ARHGAP23: variants seen among roughly 807,000 people sequenced by gnomAD.
ARHGAP23 encodes Rho GTPase activating protein 23, also known as rho GTPase-activating protein 23.
ARHGAP23 carries 34 observed loss-of-function variants against 136.3 expected under a neutral mutation model. The observed-to-expected ratio is 0.25, with a 90% CI of 0.19 to 0.33. The LOEUF is 0.33. Among genes scored for constraint, ARHGAP23 ranks in the 10% least tolerant of loss-of-function variants. ARHGAP23 has a pLI of 1.00. For missense variants in ARHGAP23, 1,808 were observed against 2,139.0 expected (o/e 0.85, Z 3.05); for synonymous variants, 832 against 920.5 (o/e 0.90, Z 1.74).
chr17:38,461,316 AG>A (rs1420038652), intron 3 of ARHGAP23, among the ~76,000 whole-genome samples: 1 of 152,158 alleles, frequency 6.6e-6, no homozygotes, highest in Non-Finnish European at 1.5e-5. Context: ...GGGAGCGCTG[AG>A]CAAAGGCTGT....
chr17:38,507,276 A>AAATAATAATAATAATAT, intron 23 of ARHGAP23, among the ~76,000 whole-genome samples: 1 of 136,674 alleles, frequency 7.3e-6, no homozygotes, highest in East Asian at 2.1e-4. Flanking sequence ...CTCCGTCTCA[A>AAATAATAATAATAATAT]AATAATAATA....
At chr17:38,482,753 T>C in intron 16 of ARHGAP23, 75 bp downstream of exon 16, 1 of 1,423,800 alleles carries the variant, frequency 7.0e-7, no homozygotes. Flanking sequence ...GAGAGTTCTG[T>C]GGTCTATTGT....
intron 20 of ARHGAP23, among the ~76,000 whole-genome samples, chr17:38,493,261 G>A (rs1305949218): frequency 6.6e-6 from 1 of 150,972 alleles, no homozygotes; most frequent in Non-Finnish European, 1.5e-5. Context: ...GGAGTGCAGT[G>A]GGCAGATACG....
intron 20 of ARHGAP23, among the ~76,000 whole-genome samples, chr17:38,494,375 C>T (rs1055751427): frequency 6.6e-6 from 1 of 152,202 alleles, no homozygotes; most frequent in East Asian, 1.9e-4. Context: ...CATTATTCCA[C>T]GCCAGAGACA....
At chr17:38,421,218 C>T (rs2144454953) in intron 1 of ARHGAP23, among the ~76,000 whole-genome samples, 1 of 152,276 alleles carries the variant, frequency 6.6e-6, no homozygotes, top group Non-Finnish European at 1.5e-5. Flanking sequence ...ATTGGGAAGC[C>T]TTGGACATTC....
intron 16 of ARHGAP23, among the ~76,000 whole-genome samples, chr17:38,483,244 C>T (rs534585538): frequency 6.6e-6 from 1 of 152,298 alleles, no homozygotes; most frequent in East Asian, 1.9e-4. Context: ...CCATGGTTTA[C>T]AAACCGCCGG....
In ARHGAP23 at chr17:38,467,050, C is replaced by A; in HGVS notation, c.1367C>A (p.Ala456Glu). ...LPTFNLAQSP[A>E]SFPPEASEPP... ...ACCTTCAACCTGGCCCAGTCCCCTGCGTCATTCCCACCAGAGGCCTCCGAG... is the reference window on the plus strand; with the variant it reads ...ACCTTCAACCTGGCCCAGTCCCCTGAGTCATTCCCACCAGAGGCCTCCGAG... Residue 456 changes from alanine (A) to glutamate (E), a missense_variant, in exon 7 of 24, where the codon GCG (alanine) becomes GAG (glutamate). This residue lies in a region of ARHGAP23 where 859 missense variants were observed against 936.4 expected (regional missense o/e 0.92). Coordinates refer to ENST00000622683, the MANE Select transcript of ARHGAP23 (RefSeq NM_001199417.2). 1 of 1,550,998 alleles carries A rather than the reference C, an allele frequency of 6.4e-7. No individual in the cohort carries two copies. Among genetic ancestry groups the A allele is most frequent in the Non-Finnish European group, 8.7e-7 (1 of 1,146,976 alleles).
chr17:38,427,998 T>C (rs1332691898), upstream of ARHGAP23, among the ~76,000 whole-genome samples: 1 of 152,168 alleles, frequency 6.6e-6, no homozygotes, highest in Non-Finnish European at 1.5e-5. Context: ...CTCTGCGCTG[T>C]CTCTATCTTG....
intron 1 of ARHGAP23, among the ~76,000 whole-genome samples, chr17:38,438,150 A>G (rs972709143): frequency 2.0e-5 from 3 of 152,010 alleles, no homozygotes; most frequent in Admixed American, 6.6e-5. Context: ...GTGAAACCCC[A>G]TCTCTACTAA....
At chr17:38,499,688 G>C (rs1411843785) in intron 22 of ARHGAP23, among the ~76,000 whole-genome samples, 1 of 152,080 alleles carries the variant, frequency 6.6e-6, no homozygotes, top group African/African-American at 2.4e-5. Context: ...CCTGTGTGTC[G>C]TGTGTGGTCG....
intron 22 of ARHGAP23, chr17:38,500,207 C>A (rs182003524): frequency 0.01 from 2,575 of 246,542 alleles, 56 homozygotes; most frequent in African/African-American, 0.044. Flanking sequence ...CTGTGTTTCA[C>A]TGTGGTGGTT....
Position 38,510,777 on chromosome 17 carries a change from A to G in ARHGAP23, c.4281A>G (p.Gly1427=). 1 of 1,498,408 alleles carries G rather than the reference A, an allele frequency of 6.7e-7. No homozygotes were observed. The highest frequency in any genetic ancestry group is 8.9e-7 in the Non-Finnish European group (1 of 1,126,042). 92.8% of individuals were successfully genotyped at this position (1,498,408 alleles called of 1,614,324 possible). A position where few individuals can be genotyped will look rare whatever the true frequency, so the allele number is the denominator to read the frequency against. Residue 1427 remains glycine, a synonymous_variant, in exon 24 of 24, where the codon GGA becomes GGG. Transcript: ENST00000622683. The surrounding 1 kb of genome is among the most constrained non-coding windows in gnomAD (Gnocchi z 4.6). ...LNFNEWKELG[G]GGPPEPAGAR... is the part of the protein sequence containing the mutation. ...TCAACGAGTGGAAGGAGCTGGGCGG[A>G]GGGGGCCCCCCGGAGCCTGCGGGCG...
In ARHGAP23 at chr17:38,493,213, T is replaced by G. The variant is rs1418377250; in HGVS notation, c.3276+1681T>G. ...TTTTCGCTTTTTTTTTGTTTTTTTG[T>G]TTTTTTTTTGATAGAGTCTCAGTCT... is the stretch of plus-strand genomic sequence containing the variant. On this transcript the variant is annotated intron_variant, in intron 20 of 23. Coordinates refer to ENST00000622683, the MANE Select transcript of ARHGAP23 (RefSeq NM_001199417.2). 4.7e-4 allele frequency among the ~76,000 whole-genome samples: 6 copies of G among 12,842 alleles called. No individual in the cohort carries two copies. The South Asian group carries it at 0.014, about 30-fold the overall frequency. 8.4% of individuals were successfully genotyped at this position (12,842 alleles called of 152,430 possible).
chr17:38,473,672 C>T (rs532349845), intron 11 of ARHGAP23, among the ~76,000 whole-genome samples: 3 of 90,254 alleles, frequency 3.3e-5, no homozygotes, highest in Admixed American at 1.6e-4. Flanking sequence ...GCCGTGATGC[C>T]GGGGTGCGGG....
Position 38,463,125 on chromosome 17 carries a change from G to T in ARHGAP23, c.357G>T (p.Arg119=). The T allele has an allele frequency of 6.4e-7, 1 of 1,551,400 alleles. No homozygotes were observed. Among genetic ancestry groups the T allele is most frequent in the Non-Finnish European group, 8.7e-7 (1 of 1,146,846 alleles). ...TGCGCTCCTTGTCCCCAGGAGACCG[G>T]CTGGTAAAGGTGAATGGGGAAAGCG... is the stretch of plus-strand genomic sequence containing the variant. ...AHRAGLRTGD[R]LVKVNGESVI... is the part of the protein sequence containing the mutation. Residue 119 remains arginine (R), a synonymous_variant, in exon 5 of 24, where the codon CGG becomes CGT. Coordinates refer to ENST00000622683, the MANE Select transcript of ARHGAP23 (RefSeq NM_001199417.2).
chr17:38,484,690 GGT>G (rs1218807710), intron 16 of ARHGAP23, among the ~76,000 whole-genome samples: 1 of 152,138 alleles, frequency 6.6e-6, no homozygotes, highest in Non-Finnish European at 1.5e-5. Flanking sequence ...AGCCGCACTG[GGT>G]GTGTGTGAGA....
intron 9 of ARHGAP23, 102 bp from the exon 10 acceptor site, chr17:38,469,745 C>A (rs1330321599): frequency 8.0e-6 from 12 of 1,498,906 alleles, no homozygotes; most frequent in East Asian, 2.5e-5. Context: ...CAGTGTGCCT[C>A]CCCCGCTGGA....
In ARHGAP23 at chr17:38,504,978, C is replaced by CTTTTTTTTTTT. The variant is rs71138627; in HGVS notation, c.3447+4385_3447+4395dup. Among the ~76,000 whole-genome samples, 52 of 43,168 alleles carry CTTTTTTTTTTT rather than the reference C, an allele frequency of 1.2e-3. 15 individuals are homozygous for CTTTTTTTTTTT. Among genetic ancestry groups the CTTTTTTTTTTT allele is most frequent in the Non-Finnish European group, 2.2e-3 (44 of 20,290 alleles). 28.3% of individuals were successfully genotyped at this position (43,168 alleles called of 152,430 possible). ...ATTACTCAGAAGCCTCCCTTATCAT[C>CTTTTTTTTTTT]TTTTTTTTTTTTTTTTTTTTTTTTT... On this transcript the variant is annotated intron_variant, in intron 23 of 23. Coordinates refer to ENST00000622683, the MANE Select transcript of ARHGAP23 (RefSeq NM_001199417.2).
At chr17:38,493,291 C>T (rs187051585) in intron 20 of ARHGAP23, among the ~76,000 whole-genome samples, 2 of 151,586 alleles carry the variant, frequency 1.3e-5, no homozygotes, top group Non-Finnish European at 2.9e-5. Flanking sequence ...CAGGCTCAGG[C>T]GATCCTGCCA....
Sources: gnomAD v4.1 joint callset for allele counts (sites outside exome capture counted in the v4.1 genomes callset) on GRCh38, gnomAD v4.1.1 for gene constraint, gnomAD v4.1.1 regional missense constraint, Gnocchi (gnomAD v3.1) non-coding constraint, MANE v1.5 for transcripts, NCBI Gene and HGNC (gene_info 2026-07-23, HGNC 2026-07-21) for gene names.